The following COL11A1 variants were observed in gnomAD, a reference collection of about 807,000 sequenced individuals.
The protein encoded by COL11A1 is collagen alpha-1(XI) chain.
Under a neutral mutation model 265.2 loss-of-function variants are expected in COL11A1, and 74 were observed. That is an observed-to-expected ratio of 0.28 (90% CI 0.23 to 0.34). The LOEUF (loss-of-function observed/expected upper bound fraction) is 0.34, where lower values mean the gene tolerates loss of function less well. Ranked by LOEUF, COL11A1 falls within the 10% of genes least tolerant of loss-of-function variation. The pLI is 1.00. For missense variants in COL11A1, 2,165 were observed against 2,263.6 expected (o/e 0.96, Z 0.88); for synonymous variants, 816 against 727.6 (o/e 1.12, Z -1.96).
chr1:102,878,123 G>C lies in COL11A1; in HGVS notation c.5317C>G (p.Pro1773Ala). 1 of 1,612,986 alleles carries C rather than the reference G, an allele frequency of 6.2e-7. No individual in the cohort carries two copies. The highest frequency in any genetic ancestry group is 8.5e-7 in the Non-Finnish European group (1 of 1,179,242). ...YEKTVIEINT[P>A]KIDQVPIVDV... is the part of the protein sequence containing the mutation. ...ACAATAGGTACTTGATCAATTTTTGGTGTATTGATTTCAATGACAGTCTTT... is the reference window on the plus strand; with the variant it reads ...ACAATAGGTACTTGATCAATTTTTGCTGTATTGATTTCAATGACAGTCTTT... Residue 1773 changes from proline (P) to alanine (A), a missense_variant, in exon 67 of 67, where the codon CCA (proline) becomes GCA (alanine). By Grantham distance (27) the Pro-to-Ala change is conservative. Transcript: ENST00000370096.
chr1:102,977,984 T>C (rs1455618121), intron 35 of COL11A1, among the ~76,000 whole-genome samples: 2 of 152,140 alleles, frequency 1.3e-5, no homozygotes, highest in South Asian at 2.1e-4. Flanking sequence ...ATGCCTATTA[T>C]ACATTTCAAA....
Position 103,002,415 on chromosome 1 carries a change from G to A in COL11A1, c.2097+13C>T. 6.2e-7 allele frequency: 1 copy of A among 1,602,046 alleles called. No individual in the cohort carries two copies. Among genetic ancestry groups the A allele is most frequent in the Non-Finnish European group, 8.5e-7 (1 of 1,173,444 alleles). On this transcript the variant is annotated intron_variant, in intron 23 of 66. Coordinates refer to ENST00000370096, the MANE Select transcript of COL11A1 (RefSeq NM_001854.4). ...CCCATTATTTCAAAGGAGCTGCAGT[G>A]GCTTAGACTTACCTGAGGTCCTGGA...
chr1:102,974,638 G>A (rs1408386485), intron 36 of COL11A1, among the ~76,000 whole-genome samples, 192 bp downstream of exon 36: 1 of 152,062 alleles, frequency 6.6e-6, no homozygotes, highest in Non-Finnish European at 1.5e-5. Context: ...CTTAATAAGA[G>A]ATGTTGAAAT....
At chr1:103,034,521 C>G (rs544746298) in intron 4 of COL11A1, among the ~76,000 whole-genome samples, 1 of 152,110 alleles carries the variant, frequency 6.6e-6, no homozygotes, top group African/African-American at 2.4e-5. Flanking sequence ...AACTACAGTA[C>G]TACAATTTAG....
chr1:102,976,289 C>CTTTTTTTTTTTTTTTTTTTTTTTTT lies in COL11A1; in HGVS notation c.2755-1431_2755-1407dup, dbSNP rs149842131. 1.1e-3 allele frequency among the ~76,000 whole-genome samples: 65 copies of CTTTTTTTTTTTTTTTTTTTTTTTTT among 58,602 alleles called. 18 individuals carry two copies. The highest frequency in any genetic ancestry group is 1.8e-3 in the Non-Finnish European group (57 of 31,088). 38.4% of individuals were successfully genotyped at this position (58,602 alleles called of 152,430 possible). A position where few individuals can be genotyped will look rare whatever the true frequency, so the allele number is the denominator to read the frequency against. The stretch of plus-strand genomic sequence containing the variant: ...TATAAAATTTCACAGAAAACGTTGG[C>CTTTTTTTTTTTTTTTTTTTTTTTTT]TTTTTTTTTTTTTTTTTTTTTTTTT... On this transcript the variant is annotated intron_variant, in intron 35 of 66. Transcript: ENST00000370096.
intron 4 of COL11A1, among the ~76,000 whole-genome samples, chr1:103,051,110 C>A (rs534484944): frequency 6.6e-6 from 1 of 152,314 alleles, no homozygotes; most frequent in Non-Finnish European, 1.5e-5. Flanking sequence ...CTGGGTGAAC[C>A]ATTACTCTCT....
At chr1:103,060,096 T>G (rs942732327) in intron 4 of COL11A1, among the ~76,000 whole-genome samples, 1 of 151,942 alleles carries the variant, frequency 6.6e-6, no homozygotes, top group African/African-American at 2.4e-5. Flanking sequence ...TTTAAAAATA[T>G]TAAAAGAACC....
chr1:103,046,896 G>C (rs1164054380), intron 4 of COL11A1, among the ~76,000 whole-genome samples: 1 of 152,034 alleles, frequency 6.6e-6, no homozygotes, highest in Non-Finnish European at 1.5e-5. Flanking sequence ...TGTCAGGTTT[G>C]TCAAAGATCA....
chr1:103,025,770 G>A (rs1571077549), intron 6 of COL11A1, 157 bp from the exon 7 acceptor site: 2 of 1,611,148 alleles, frequency 1.2e-6, no homozygotes, highest in Non-Finnish European at 1.7e-6. Context: ...GCTTATCTAG[G>A]ATAGATCTTG....
intron 28 of COL11A1, among the ~76,000 whole-genome samples, chr1:102,994,053 T>C (rs563867734): frequency 6.6e-6 from 1 of 152,290 alleles, no homozygotes; most frequent in Non-Finnish European, 1.5e-5. Flanking sequence ...AGTTGTTTAC[T>C]TTTAGTATAT....
Position 102,934,480 on chromosome 1 carries a change from A to T in COL11A1, c.3569T>A (p.Phe1190Tyr). Residue 1190 changes from phenylalanine (F) to tyrosine (Y), a missense_variant, in exon 46 of 67, where the codon TTC (phenylalanine) becomes TAC (tyrosine). Physicochemically the swap from Phe to Tyr is conservative, Grantham distance 22. Coordinates refer to ENST00000370096, the MANE Select transcript of COL11A1 (RefSeq NM_001854.4). ...GQKGDEGARG[F>Y]PGPPGPIGLQ... Reference sequence around the variant, plus strand: ...ACCTATTGGACCAGGAGGTCCAGGGAAGCCTCTGGCACCCTCATCACCTTT... The same window carrying T: ...ACCTATTGGACCAGGAGGTCCAGGGTAGCCTCTGGCACCCTCATCACCTTT... 2 of 1,614,060 alleles carry T rather than the reference A, an allele frequency of 1.2e-6. No homozygotes were observed. The highest frequency in any genetic ancestry group is 1.7e-6 in the Non-Finnish European group (2 of 1,179,900).
chr1:103,054,452 G>T (rs557705001), intron 4 of COL11A1, among the ~76,000 whole-genome samples: 5 of 152,116 alleles, frequency 3.3e-5, no homozygotes, highest in Admixed American at 1.3e-4. Flanking sequence ...GGTATTGAAG[G>T]CTTCTTTAAA....
intron 2 of COL11A1, 61 bp from the exon 3 acceptor site, chr1:103,078,932 G>C (rs1231722446): frequency 1.7e-6 from 2 of 1,191,690 alleles, no homozygotes; most frequent in African/African-American, 1.5e-5. Context: ...TTTATTCCTA[G>C]ATCACTGTGG....
At chr1:102,973,184 A>G (rs934961440) in intron 36 of COL11A1, among the ~76,000 whole-genome samples, 4 of 152,100 alleles carry the variant, frequency 2.6e-5, no homozygotes, top group African/African-American at 9.7e-5. Flanking sequence ...CTAATGTTTC[A>G]CTTGTTAGAG....
chr1:103,019,485 C>T (rs1405055385), intron 9 of COL11A1, among the ~76,000 whole-genome samples: 2 of 151,958 alleles, frequency 1.3e-5, no homozygotes, highest in African/African-American at 4.8e-5. Context: ...AGGACTGATT[C>T]ATTCTGAAAA....
intron 4 of COL11A1, among the ~76,000 whole-genome samples, chr1:103,061,184 G>C (rs1459053445): frequency 6.6e-6 from 1 of 152,058 alleles, no homozygotes; most frequent in Admixed American, 6.5e-5. Context: ...TGATAATAAG[G>C]GTAAAAAGGT....
At chr1:102,922,978 G>T (rs1034762119) in intron 47 of COL11A1, among the ~76,000 whole-genome samples, 1 of 152,050 alleles carries the variant, frequency 6.6e-6, no homozygotes, top group Non-Finnish European at 1.5e-5. Context: ...ACAATTATAT[G>T]CATTTCAAAT....
At position 103,014,505 on chromosome 1, in the gene COL11A1, T is replaced by C. The variant is rs749207667; in HGVS notation, c.1572+6A>G. 1 of 1,613,358 alleles carries C rather than the reference T, an allele frequency of 6.2e-7. No homozygotes were observed. Among genetic ancestry groups the C allele is most frequent in the Non-Finnish European group, 8.5e-7 (1 of 1,179,432 alleles). On this transcript the variant is annotated splice_donor_region_variant and intron_variant, in intron 13 of 66. Coordinates refer to ENST00000370096, the MANE Select transcript of COL11A1 (RefSeq NM_001854.4). ...CTTGTGGGAATGCAAGTTTATCCTG[T>C]CTTACCCGAGCCTGCTGAAGAATAG...
chr1:102,946,703 T>C, intron 42 of COL11A1, 146 bp downstream of exon 42: 2 of 689,414 alleles, frequency 2.9e-6, no homozygotes, highest in Non-Finnish European at 5.2e-6. Context: ...TTTTCTCTAT[T>C]ATACATATAC....
Sources: gnomAD v4.1 joint callset for allele counts (sites outside exome capture counted in the v4.1 genomes callset) on GRCh38, gnomAD v4.1.1 for gene constraint, MANE v1.5 for transcripts, NCBI Gene and HGNC (gene_info 2026-07-23, HGNC 2026-07-21) for gene names.